EPS8: variants seen among roughly 807,000 people sequenced by gnomAD.
EPS8 encodes epidermal growth factor receptor kinase substrate 8.
A neutral mutation model predicts 103.8 loss-of-function variants in EPS8; 42 were observed. The observed-to-expected ratio is 0.40, with a 90% CI of 0.32 to 0.52. The LOEUF (loss-of-function observed/expected upper bound fraction) is 0.52. EPS8 is among the 20% of genes least tolerant of loss of function. The pLI is 0.40. For missense variants in EPS8, 969 were observed against 1,005.1 expected (o/e 0.96, Z 0.49); for synonymous variants, 344 against 344.6 (o/e 1.00, Z 0.02).
At position 15,725,255 on chromosome 12, in the gene EPS8, T is replaced by G. The variant is rs1946640044; in HGVS notation, c.-21-42283A>C. On this transcript the variant is annotated intron_variant, in intron 1 of 20. Transcript: ENST00000281172. This position sits in a 1 kb window ranked among gnomAD's most constrained non-coding sequence, Gnocchi z 4.5. ...ACTGTCTGGAATTTTAGCAGCAATG[T>G]GCTTTATCTCATACCACTAACTGTG... 6.6e-6 allele frequency among the ~76,000 whole-genome samples: 1 copy of G among 152,082 alleles called. No homozygotes were observed. Among genetic ancestry groups the G allele is most frequent in the Admixed American group, 6.5e-5 (1 of 15,270 alleles).
At chr12:15,666,912 C>A (rs1045809437) in intron 6 of EPS8, among the ~76,000 whole-genome samples, 1 of 152,152 alleles carries the variant, frequency 6.6e-6, no homozygotes, top group Admixed American at 6.5e-5. Flanking sequence ...ACTGGACACC[C>A]ATTAACCCAG....
intron 10 of EPS8, among the ~76,000 whole-genome samples, chr12:15,660,064 G>C (rs1236853294): frequency 2.0e-5 from 3 of 152,120 alleles, no homozygotes; most frequent in South Asian, 4.1e-4. Flanking sequence ...GTCACTGCCT[G>C]AATCTCAGTC....
Position 15,767,337 on chromosome 12 carries a change from C to T in EPS8, c.-22+21824G>A, listed in dbSNP as rs1947108459. Among the ~76,000 whole-genome samples, 1 of 152,182 alleles carries T rather than the reference C, an allele frequency of 6.6e-6. No individual in the cohort carries two copies. The highest frequency in any genetic ancestry group is 2.4e-5 in the African/African-American group (1 of 41,446). The stretch of plus-strand genomic sequence containing the variant: ...GACTAGTTCTACTAAGGTCTAGTAA[C>T]TACTGTTCACCAGTGGAATTTTATG... On this transcript the variant is annotated intron_variant, in intron 1 of 20. Coordinates refer to ENST00000281172, the MANE Select transcript of EPS8 (RefSeq NM_004447.6). This position sits in a 1 kb window ranked among gnomAD's most constrained non-coding sequence, Gnocchi z 5.5.
chr12:15,781,702 T>C lies in EPS8; in HGVS notation c.-22+7459A>G, dbSNP rs546012822. 1.3e-5 allele frequency: 2 copies of C among 152,280 alleles called. No individual in the cohort carries two copies. Among genetic ancestry groups the C allele is most frequent in the East Asian group, 1.9e-4 (1 of 5,180 alleles). The allele number at this position is 152,280 out of a possible 1,614,324, so 9.4% of individuals were successfully genotyped here. On this transcript the variant is annotated intron_variant, in intron 1 of 20. Coordinates refer to ENST00000281172, the MANE Select transcript of EPS8 (RefSeq NM_004447.6). The surrounding 1 kb of genome is among the most constrained non-coding windows in gnomAD (Gnocchi z 4.1). ...GTTGCTTATAACAGAATACCTGAAA[T>C]GGGTAATTCTAAAGAAAAGGAATTT...
rs1946927682 is a variant in EPS8 at position 15,751,175 on chromosome 12, T to C, written c.-22+37986A>G. 6.6e-6 allele frequency among the ~76,000 whole-genome samples: 1 copy of C among 152,030 alleles called. No homozygotes were observed. Among genetic ancestry groups the C allele is most frequent in the Non-Finnish European group, 1.5e-5 (1 of 68,012 alleles). ...GAGTTCGAGACCAGCCAGGCCAACATAGTGAAACTCTGTCTCTACTAAAAA... is the reference window on the plus strand; with the variant it reads ...GAGTTCGAGACCAGCCAGGCCAACACAGTGAAACTCTGTCTCTACTAAAAA... On this transcript the variant is annotated intron_variant, in intron 1 of 20. Coordinates refer to ENST00000281172, the MANE Select transcript of EPS8 (RefSeq NM_004447.6). The surrounding 1 kb of genome is among the most constrained non-coding windows in gnomAD (Gnocchi z 4.3).
intron 17 of EPS8, chr12:15,634,847 T>C: frequency 2.5e-6 from 1 of 397,628 alleles, no homozygotes; most frequent in South Asian, 1.3e-4. Context: ...ATAATTCACA[T>C]CAAATATCAG....
chr12:15,662,200 CA>C, intron 8 of EPS8, 101 bp from the exon 9 acceptor site: 1 of 1,551,352 alleles, frequency 6.4e-7, no homozygotes. Flanking sequence ...GACCATTTGC[CA>C]AAGGGAACAC....
rs1474131552 is a variant in EPS8 at position 15,780,148 on chromosome 12, C to G, written c.-22+9013G>C. ...AGAGAAGATTTATGCAATTCTTAAA[C>G]AGGTTTGGTATCTTTATTCTCTTCT... is the stretch of plus-strand genomic sequence containing the variant. On this transcript the variant is annotated intron_variant, in intron 1 of 20. Coordinates refer to ENST00000281172, the MANE Select transcript of EPS8 (RefSeq NM_004447.6). This position sits in a 1 kb window ranked among gnomAD's most constrained non-coding sequence, Gnocchi z 4.1. The G allele has an allele frequency of 6.6e-6, 1 of 152,136 alleles. No individual in the cohort carries two copies. Among genetic ancestry groups the G allele is most frequent in the East Asian group, 1.9e-4 (1 of 5,196 alleles). 9.4% of individuals were successfully genotyped at this position (152,136 alleles called of 1,614,324 possible).
In EPS8 at chr12:15,681,305, GTAATAATAA is replaced by G. The variant is rs201331879; in HGVS notation, c.60-12_60-4del. The stretch of plus-strand genomic sequence containing the variant: ...AGGTAGGTGATGATCCGTAGCCACT[GTAATAATAA>G]TAATAATAATAATAATAATAATATA... On this transcript the variant is annotated splice_polypyrimidine_tract_variant and splice_region_variant and intron_variant, in intron 2 of 20. Coordinates refer to ENST00000281172, the MANE Select transcript of EPS8 (RefSeq NM_004447.6). 3.4e-4 allele frequency: 372 copies of G among 1,083,710 alleles called. 5 individuals carry two copies. The highest frequency in any genetic ancestry group is 3.8e-4 in the Non-Finnish European group (307 of 799,996). The allele number at this position is 1,083,710 out of a possible 1,614,324, so 67.1% of individuals were successfully genotyped here. A position where few individuals can be genotyped will look rare whatever the true frequency, so the allele number is the denominator to read the frequency against.
rs145949554 is a variant in EPS8, at chr12:15,727,895, T to G, written c.-21-44923A>C. On this transcript the variant is annotated intron_variant, in intron 1 of 20. Coordinates refer to ENST00000281172, the MANE Select transcript of EPS8 (RefSeq NM_004447.6). The surrounding 1 kb of genome is among the most constrained non-coding windows in gnomAD (Gnocchi z 4.3). ...AATAAAATAAATAAGTCTAGTTTCC[T>G]TTACTAAGATGCTTTTATCAAGATG... Among the ~76,000 whole-genome samples the G allele has an allele frequency of 2.6e-5, 4 of 152,098 alleles. No individual in the cohort carries two copies. The highest frequency in any genetic ancestry group is 4.4e-5 in the Non-Finnish European group (3 of 67,988).
At position 15,776,768 on chromosome 12, in the gene EPS8, C is replaced by T. The variant is rs1947210320; in HGVS notation, c.-22+12393G>A. On this transcript the variant is annotated intron_variant, in intron 1 of 20. Transcript: ENST00000281172. The surrounding 1 kb of genome is among the most constrained non-coding windows in gnomAD (Gnocchi z 4.2). Reference sequence around the variant, plus strand: ...GCTGATGGGTTCTTGAGAATTTTAGCGTTTCCCCTTTTGCTACCGCCAAAC... The same window carrying T: ...GCTGATGGGTTCTTGAGAATTTTAGTGTTTCCCCTTTTGCTACCGCCAAAC... Among the ~76,000 whole-genome samples, 2 of 152,112 alleles carry T rather than the reference C, an allele frequency of 1.3e-5. No individual in the cohort carries two copies. Among genetic ancestry groups the T allele is most frequent in the South Asian group, 2.1e-4 (1 of 4,834 alleles).
intron 17 of EPS8, among the ~76,000 whole-genome samples, chr12:15,635,982 T>A (rs1945127326): frequency 6.6e-6 from 1 of 152,112 alleles, no homozygotes; most frequent in African/African-American, 2.4e-5. Flanking sequence ...ATTAAGAATA[T>A]ATGAAAGACT....
intron 1 of EPS8, among the ~76,000 whole-genome samples, chr12:15,718,721 T>C (rs1591892409): frequency 6.6e-6 from 1 of 152,138 alleles, no homozygotes; most frequent in Non-Finnish European, 1.5e-5. Flanking sequence ...ATCAAAAGAA[T>C]TGTCTAGAAG....
Position 15,733,104 on chromosome 12 carries a change from T to C in EPS8, c.-21-50132A>G, listed in dbSNP as rs1054980924. ...ACAGATACTGGAAAGAAATATAATG[T>C]ATTCGTCCATTTTCACACTGCTATA... On this transcript the variant is annotated intron_variant, in intron 1 of 20. Coordinates refer to ENST00000281172, the MANE Select transcript of EPS8 (RefSeq NM_004447.6). This position sits in a 1 kb window ranked among gnomAD's most constrained non-coding sequence, Gnocchi z 4.8. Among the ~76,000 whole-genome samples the C allele has an allele frequency of 2.0e-5, 3 of 152,196 alleles. No individual in the cohort carries two copies. Among genetic ancestry groups the C allele is most frequent in the Non-Finnish European group, 4.4e-5 (3 of 68,032 alleles).
intron 18 of EPS8, among the ~76,000 whole-genome samples, chr12:15,627,372 C>T (rs946533653): frequency 2.6e-5 from 4 of 151,978 alleles, no homozygotes; most frequent in African/African-American, 7.2e-5. Context: ...GGATGCTTCC[C>T]TTTTTTGCTT....
In EPS8 at chr12:15,757,531, G is replaced by C. The variant is rs1393962776; in HGVS notation, c.-22+31630C>G. 6.6e-6 allele frequency among the ~76,000 whole-genome samples: 1 copy of C among 152,146 alleles called. No individual in the cohort carries two copies. Among genetic ancestry groups the C allele is most frequent in the African/African-American group, 2.4e-5 (1 of 41,428 alleles). ...TGTAATCCCAGTTGCTCAGGAGGCT[G>C]AGGCAGGAGAATCGCTTGAACCCAG... On this transcript the variant is annotated intron_variant, in intron 1 of 20. Transcript: ENST00000281172. This position sits in a 1 kb window ranked among gnomAD's most constrained non-coding sequence, Gnocchi z 4.1.
At position 15,734,588 on chromosome 12, in the gene EPS8, G is replaced by A. The variant is rs1277292110; in HGVS notation, c.-21-51616C>T. Among the ~76,000 whole-genome samples, 5 of 152,084 alleles carry A rather than the reference G, an allele frequency of 3.3e-5. No individual in the cohort carries two copies. Among genetic ancestry groups the A allele is most frequent in the African/African-American group, 1.2e-4 (5 of 41,412 alleles). ...GGGCGCCTGTGGTCCCAGCTACTCG[G>A]GAGGCTGAGGCAGGAGAATGGCGTG... is the stretch of plus-strand genomic sequence containing the variant. On this transcript the variant is annotated intron_variant, in intron 1 of 20. Coordinates refer to ENST00000281172, the MANE Select transcript of EPS8 (RefSeq NM_004447.6). This position sits in a 1 kb window ranked among gnomAD's most constrained non-coding sequence, Gnocchi z 4.1.
intron 18 of EPS8, among the ~76,000 whole-genome samples, chr12:15,627,294 G>A (rs951215948): frequency 1.3e-5 from 2 of 152,036 alleles, no homozygotes; most frequent in African/African-American, 2.4e-5. Context: ...ATGAGCCACC[G>A]CGCCCAGCCA....
At chr12:15,756,607 T>C (rs890405735) in intron 1 of EPS8, among the ~76,000 whole-genome samples, 6 of 152,174 alleles carry the variant, frequency 3.9e-5, no homozygotes, top group Admixed American at 6.5e-5. Context: ...TTTAGGACAA[T>C]ATATTAGATA....
Sources: gnomAD v4.1 joint callset for allele counts (sites outside exome capture counted in the v4.1 genomes callset) on GRCh38, gnomAD v4.1.1 for gene constraint, Gnocchi (gnomAD v3.1) non-coding constraint, MANE v1.5 for transcripts, NCBI Gene and HGNC (gene_info 2026-07-23, HGNC 2026-07-21) for gene names.